The following GPC6 variants were observed in gnomAD, a reference collection of about 807,000 sequenced individuals.
The protein encoded by GPC6 is glypican-6.
Under a neutral mutation model 55.2 loss-of-function variants are expected in GPC6, and 14 were observed. The ratio of observed to expected loss-of-function variants is 0.25; its 90% CI spans 0.17 to 0.40. GPC6 has a LOEUF of 0.40. Ranked by LOEUF, GPC6 falls within the 10% of genes least tolerant of loss-of-function variation. GPC6 has a pLI of 1.00. For synonymous variants in GPC6, 278 were observed against 259.6 expected (o/e 1.07, Z -0.68); for missense variants, 641 against 708.5 (o/e 0.90, Z 1.08).
At chr13:94,206,035 T>A (rs1889892406) in intron 4 of GPC6, among the ~76,000 whole-genome samples, 1 of 152,058 alleles carries the variant, frequency 6.6e-6, no homozygotes, top group African/African-American at 2.4e-5. Flanking sequence ...CAGACAAAGA[T>A]TCATCAGGCC....
intron 2 of GPC6, among the ~76,000 whole-genome samples, chr13:93,623,624 A>G (rs1442643867): frequency 1.3e-5 from 2 of 151,928 alleles, no homozygotes; most frequent in East Asian, 3.9e-4. Flanking sequence ...ACTTCCAGCT[A>G]ATTTTTTGTA....
rs557687707 is a variant in GPC6, at chr13:93,984,420, G to A, written c.712-43309G>A. Among the ~76,000 whole-genome samples, 9 of 152,284 alleles carry A rather than the reference G, an allele frequency of 5.9e-5. 1 individual carries two copies. The highest frequency in any genetic ancestry group is 1.7e-4 in the African/African-American group (7 of 41,570). On this transcript the variant is annotated intron_variant, in intron 3 of 8. Transcript: ENST00000377047. ...AGAATGAATGGCTCAAAACTGAAAT[G>A]AAATGAAGATGGCAAAGTAAAATAG...
intron 1 of GPC6, among the ~76,000 whole-genome samples, chr13:93,517,707 A>G (rs947219551): frequency 6.6e-6 from 1 of 151,996 alleles, no homozygotes; most frequent in Non-Finnish European, 1.5e-5. Flanking sequence ...AAGCATCAGT[A>G]TATTGTGGGT....
intron 6 of GPC6, among the ~76,000 whole-genome samples, chr13:94,370,276 C>T (rs986705131): frequency 3.3e-5 from 5 of 152,316 alleles, no homozygotes; most frequent in East Asian, 1.9e-4. Context: ...CAAATAGCAG[C>T]GAAGCCTTAT....
At chr13:94,210,799 T>A (rs1333196445) in intron 4 of GPC6, among the ~76,000 whole-genome samples, 1 of 152,186 alleles carries the variant, frequency 6.6e-6, no homozygotes, top group African/African-American at 2.4e-5. Flanking sequence ...TCTAAATACC[T>A]TAGCACAAGT....
intron 6 of GPC6, among the ~76,000 whole-genome samples, chr13:94,338,217 T>C (rs1181685478): frequency 6.6e-6 from 1 of 152,230 alleles, no homozygotes; most frequent in East Asian, 1.9e-4. Flanking sequence ...AGTCAATTCC[T>C]AGTAATCTCC....
intron 3 of GPC6, among the ~76,000 whole-genome samples, chr13:93,938,907 T>A (rs1295050359): frequency 6.6e-6 from 1 of 151,916 alleles, no homozygotes; most frequent in Non-Finnish European, 1.5e-5. Flanking sequence ...ATGGAGACCA[T>A]CCGGGCCAAC....
intron 2 of GPC6, among the ~76,000 whole-genome samples, chr13:93,563,069 A>G (rs533604225): frequency 5.3e-5 from 8 of 152,316 alleles, no homozygotes; most frequent in African/African-American, 1.9e-4. Context: ...CAACTCTACC[A>G]TTATGGCTTT....
chr13:93,481,758 C>T (rs955291588), intron 1 of GPC6, among the ~76,000 whole-genome samples: 3 of 152,150 alleles, frequency 2.0e-5, no homozygotes, highest in Non-Finnish European at 2.9e-5. Context: ...TATTTCTGGA[C>T]TCTCAATTCT....
intron 4 of GPC6, among the ~76,000 whole-genome samples, chr13:94,112,046 A>G (rs1886267875): frequency 6.6e-6 from 1 of 152,190 alleles, no homozygotes; most frequent in Non-Finnish European, 1.5e-5. Flanking sequence ...TAAACATCGT[A>G]AAGAAAATAA....
intron 1 of GPC6, among the ~76,000 whole-genome samples, chr13:93,297,742 C>T (rs1196635052): frequency 6.6e-6 from 1 of 152,120 alleles, no homozygotes; most frequent in African/African-American, 2.4e-5. Flanking sequence ...CTGTTTGCTG[C>T]TTACCACTGT....
At position 93,494,591 on chromosome 13, in the gene GPC6, G is replaced by A. The variant is rs1354888245; in HGVS notation, c.161-50672G>A. Among the ~76,000 whole-genome samples, 126 of 152,190 alleles carry A rather than the reference G, an allele frequency of 8.3e-4. No homozygotes were observed. The South Asian group carries it at 0.022, about 27-fold the overall frequency. On this transcript the variant is annotated intron_variant, in intron 1 of 8. Coordinates refer to ENST00000377047, the MANE Select transcript of GPC6 (RefSeq NM_005708.5). ...ATGATGTTAGCTGGTGATTTTACTC[G>A]TTAGTTGATGCAGTTTCTTCCTAGT... is the stretch of plus-strand genomic sequence containing the variant.
intron 7 of GPC6, among the ~76,000 whole-genome samples, chr13:94,390,589 C>G (rs145720307): frequency 2.0e-5 from 3 of 152,040 alleles, no homozygotes. Context: ...AACCAGCTCT[C>G]GAGAGAAATC....
chr13:93,577,729 C>A (rs971460881), intron 2 of GPC6, among the ~76,000 whole-genome samples: 3 of 151,852 alleles, frequency 2.0e-5, no homozygotes, highest in Non-Finnish European at 4.4e-5. Context: ...TTGCTCTGGC[C>A]AGGACTTCCA....
At chr13:94,298,026 T>C (rs954844057) in intron 5 of GPC6, among the ~76,000 whole-genome samples, 1 of 151,896 alleles carries the variant, frequency 6.6e-6, no homozygotes, top group African/African-American at 2.4e-5. Context: ...CCGTAAAAAA[T>C]TACCACACTA....
intron 2 of GPC6, among the ~76,000 whole-genome samples, chr13:93,826,492 G>A (rs1275030252): frequency 6.6e-6 from 1 of 152,038 alleles, no homozygotes; most frequent in African/African-American, 2.4e-5. Flanking sequence ...TTTTAAGCAA[G>A]TTTTTAATAG....
chr13:94,230,329 G>A (rs1890684460), intron 4 of GPC6, among the ~76,000 whole-genome samples: 1 of 152,052 alleles, frequency 6.6e-6, no homozygotes, highest in Non-Finnish European at 1.5e-5. Context: ...GCCCAGGGGA[G>A]GGCTTTCCCA....
At chr13:94,374,369 G>T (rs367654561) in intron 6 of GPC6, among the ~76,000 whole-genome samples, 1 of 150,880 alleles carries the variant, frequency 6.6e-6, no homozygotes, top group Admixed American at 6.6e-5. Context: ...GATGGAGGAA[G>T]ATCTACCAAG....
At chr13:94,113,706 G>A (rs376038520) in intron 4 of GPC6, among the ~76,000 whole-genome samples, 6 of 151,946 alleles carry the variant, frequency 3.9e-5, no homozygotes, top group East Asian at 1.9e-4. Context: ...TATTTAGACC[G>A]TGCTAGGTGG....
Sources: allele counts gnomAD v4.1 joint callset (sites outside exome capture counted in the v4.1 genomes callset), GRCh38; gene constraint gnomAD v4.1.1; transcripts MANE v1.5; gene names NCBI Gene and HGNC (gene_info 2026-07-23, HGNC 2026-07-21).